PEG3: variants seen among roughly 807,000 people sequenced by gnomAD.
The protein encoded by PEG3 is paternally-expressed gene 3 protein.
Under a neutral mutation model 35.5 loss-of-function variants are expected in PEG3, and 23 were observed. The ratio of observed to expected loss-of-function variants is 0.65; its 90% CI spans 0.47 to 0.92. The LOEUF is 0.92. Ranked by LOEUF, PEG3 falls within the 40% of genes least tolerant of loss-of-function variation. The probability of loss-of-function intolerance (pLI) is 0.00; values close to 1 mark genes in which losing one functional copy is unlikely to be tolerated. For missense variants in PEG3, 1,960 were observed against 1,985.3 expected (o/e 0.99, Z 0.24); for synonymous variants, 707 against 697.0 (o/e 1.01, Z -0.23).
chr19:56,821,810 C>G, intron 6 of PEG3, 56 bp from the exon 7 acceptor site: 1 of 1,595,146 alleles, frequency 6.3e-7, no homozygotes, highest in Non-Finnish European at 8.6e-7. Context: ...CTGCAGGTCC[C>G]AGGTTTGTCC....
In PEG3 at chr19:56,816,605, C is replaced by T. The variant is rs779661784; in HGVS notation, c.1837G>A (p.Ala613Thr). Reference protein sequence around the residue: ...ERGETFRPSPALNEFQKMYGK... With the variant: ...ERGETFRPSPTLNEFQKMYGK... ...TACATTTTCTGAAACTCATTAAGGG[C>T]TGGGCTGGGCCTAAAGGTTTCCCCG... Residue 613 changes from alanine (A) to threonine (T), a missense_variant, in exon 10 of 10, where the codon GCC (alanine) becomes ACC (threonine). Ala to Thr is a moderately conservative substitution (Grantham distance 58). Coordinates refer to ENST00000326441, the MANE Select transcript of PEG3 (RefSeq NM_006210.3). 1.7e-5 allele frequency: 28 copies of T among 1,613,790 alleles called. No homozygotes were observed. In the Admixed American group the frequency reaches 4.7e-4, roughly 27 times the overall value.
At chr19:56,838,346 T>C (rs1363786496) in intron 1 of PEG3, among the ~76,000 whole-genome samples, 1 of 152,038 alleles carries the variant, frequency 6.6e-6, no homozygotes, top group Non-Finnish European at 1.5e-5. Context: ...GCCTGCGCAA[T>C]CAACCTCGGG....
At chr19:56,821,319 T>G (rs963657768) in intron 7 of PEG3, among the ~76,000 whole-genome samples, 2 of 152,198 alleles carry the variant, frequency 1.3e-5, no homozygotes, top group Non-Finnish European at 2.9e-5. Flanking sequence ...GACCCACAGC[T>G]TTCCTGGCTC....
chr19:56,834,994 T>C (rs767771864), intron 2 of PEG3, among the ~76,000 whole-genome samples: 12 of 152,248 alleles, frequency 7.9e-5, no homozygotes, highest in Middle Eastern at 3.4e-3. Context: ...CCCCACATCA[T>C]GTGACTCACT....
Position 56,814,586 on chromosome 19 carries a change from C to A in PEG3, c.3856G>T (p.Val1286Phe). 1.2e-6 allele frequency: 2 copies of A among 1,614,034 alleles called. No homozygotes were observed. Among genetic ancestry groups the A allele is most frequent in the Non-Finnish European group, 1.7e-6 (2 of 1,179,964 alleles). Residue 1286 changes from valine (V) to phenylalanine (F), a missense_variant, in exon 10 of 10, where the codon GTC (valine) becomes TTC (phenylalanine). Physicochemically the swap from Val to Phe is conservative, Grantham distance 50. This residue lies in a region of PEG3 where 416 missense variants were observed against 416.7 expected (regional missense o/e 1.00). Coordinates refer to ENST00000326441, the MANE Select transcript of PEG3 (RefSeq NM_006210.3). The surrounding 1 kb of genome is among the most constrained non-coding windows in gnomAD (Gnocchi z 5.8). Reference sequence around the variant, plus strand: ...GGGTTGACGAAAGATTCTCCACAGACTGCACATTCAAAGAGTCTCTCTTCG... The same window carrying A: ...GGGTTGACGAAAGATTCTCCACAGAATGCACATTCAAAGAGTCTCTCTTCG... The part of the protein sequence containing the change: ...QTEERLFECA[V>F]CGESFVNPAE...
At position 56,813,741 on chromosome 19, in the gene PEG3, G is replaced by A. The variant is rs34876452; in HGVS notation, c.4701C>T (p.Asp1567=). The part of the protein sequence containing the change: ...NQADEKYFKC[D]VCGQLFNDRL... ...GGTCATTGAAGAGCTGCCCACAGAC[G>A]TCACATTTGAAGTACTTCTCATCAG... The change falls in exon 10 of 10, where the codon GAC becomes GAT. Residue 1567 remains aspartate, a synonymous_variant. Transcript: ENST00000326441. 3,858 of 1,614,030 alleles carry A rather than the reference G, an allele frequency of 2.4e-3. 87 individuals carry two copies. In the African/African-American group the frequency reaches 0.046, roughly 19 times the overall value.
In PEG3 at chr19:56,816,152, T is replaced by A; in HGVS notation, c.2290A>T (p.Thr764Ser). ...TTTGCCTCATAGACATTTTCCTTAG[T>A]GGGAATCTTCTGGTTTTCATAGGGG... ...SNPYENQKIPTKENVYEAKSY... is the reference protein window; with the variant it reads ...SNPYENQKIPSKENVYEAKSY... Residue 764 changes from threonine (T) to serine (S), a missense_variant, in exon 10 of 10, where the codon ACT becomes TCT. By Grantham distance (58) the Thr-to-Ser change is moderately conservative. Around this residue, in one of 5 missense-constraint regions of PEG3, gnomAD observed 798 missense variants for 782.4 expected, o/e 1.02. Transcript: ENST00000326441. The A allele has an allele frequency of 6.2e-7, 1 of 1,613,942 alleles. No homozygotes were observed. The highest frequency in any genetic ancestry group is 8.5e-7 in the Non-Finnish European group (1 of 1,179,852).
chr19:56,816,136 T>C lies in PEG3; in HGVS notation c.2306A>G (p.Tyr769Cys), dbSNP rs574516590. ...AGACCTCTCATATGATTTTGCCTCA[T>C]AGACATTTTCCTTAGTGGGAATCTT... is the stretch of plus-strand genomic sequence containing the variant. ...NQKIPTKENV[Y>C]EAKSYERSVI... The change falls in exon 10 of 10, where the codon TAT becomes TGT. Residue 769 changes from tyrosine (Y) to cysteine (C), a missense_variant. Tyr to Cys is a radical substitution (Grantham distance 194). Coordinates refer to ENST00000326441, the MANE Select transcript of PEG3 (RefSeq NM_006210.3). 92 of 1,613,718 alleles carry C rather than the reference T, an allele frequency of 5.7e-5. No individual in the cohort carries two copies. The South Asian group carries it at 8.9e-4, about 16-fold the overall frequency.
At position 56,815,200 on chromosome 19, in the gene PEG3, T is replaced by C; in HGVS notation, c.3242A>G (p.Gln1081Arg). The C allele has an allele frequency of 1.2e-6, 2 of 1,614,006 alleles. No homozygotes were observed. The highest frequency in any genetic ancestry group is 2.2e-5 in the East Asian group (1 of 44,866). The change falls in exon 10 of 10, where the codon CAG becomes CGG. Residue 1081 changes from glutamine (Q) to arginine (R), a missense_variant. Around this residue, in one of 5 missense-constraint regions of PEG3, gnomAD observed 798 missense variants for 782.4 expected, o/e 1.02. Coordinates refer to ENST00000326441, the MANE Select transcript of PEG3 (RefSeq NM_006210.3). ...EETHSEETHG[Q>R]ETIEDPVIQG... ...AATGACAGGGTCTTCAATTGTCTCC[T>C]GACCATGGGTCTCCTCGCTGTGGGT...
At position 56,817,131 on chromosome 19, in the gene PEG3, G is replaced by A. The variant is rs200534773; in HGVS notation, c.1311C>T (p.Pro437=). The A allele has an allele frequency of 3.7e-6, 6 of 1,614,138 alleles. No individual in the cohort carries two copies. The highest frequency in any genetic ancestry group is 1.3e-5 in the African/African-American group (1 of 75,050). ...CAATTGGCTGTGACTCGGTAAAGGA[G>A]GGGGAGCTGAGGCTGCTCAGGCTGC... ...SVSSLSSLSS[P]SFTESQPIDF... Residue 437 remains proline, a synonymous_variant, in exon 10 of 10, where the codon CCC becomes CCT. Coordinates refer to ENST00000326441, the MANE Select transcript of PEG3 (RefSeq NM_006210.3).
rs1374160590 is a variant in PEG3, at chr19:56,816,929, A to G, written c.1513T>C (p.Phe505Leu). ...VQKSQVGGKR[F>L]ECKDCGETFN... ...GTCTCTCCACAGTCCTTACATTCAA[A>G]ACGTTTCCCTCCAACCTGACTTTTC... Residue 505 changes from phenylalanine to leucine, a missense_variant, in exon 10 of 10, where the codon TTT (phenylalanine) becomes CTT (leucine). Physicochemically the swap from Phe to Leu is conservative, Grantham distance 22 (BLOSUM62 0). Transcript: ENST00000326441. The G allele has an allele frequency of 1.2e-6, 2 of 1,614,158 alleles. No individual in the cohort carries two copies. Among genetic ancestry groups the G allele is most frequent in the Non-Finnish European group, 1.7e-6 (2 of 1,180,036 alleles).
Position 56,814,329 on chromosome 19 carries a change from G to GGCT in PEG3, c.4110_4112dup (p.Ala1371dup), listed in dbSNP as rs772779692. 1.5e-5 allele frequency: 25 copies of GGCT among 1,613,734 alleles called. No individual in the cohort carries two copies. In the African/African-American group the frequency reaches 2.3e-4, roughly 15 times the overall value. ...CATGGACATTGGCTTCAACTTCCTG[G>GGCT]GCTGCTGCTGCTGCAGCTGCTGCTG... On this transcript the variant is annotated inframe_insertion, in exon 10 of 10. Coordinates refer to ENST00000326441, the MANE Select transcript of PEG3 (RefSeq NM_006210.3). The surrounding 1 kb of genome is among the most constrained non-coding windows in gnomAD (Gnocchi z 5.8).
At position 56,810,806 on chromosome 19, in the gene PEG3, G is replaced by A; in HGVS notation, c.*2869C>T. On this transcript the variant is annotated 3_prime_UTR_variant, in exon 10 of 10. Coordinates refer to ENST00000326441, the MANE Select transcript of PEG3 (RefSeq NM_006210.3). ...TCAAGATGTTAGCAGTAGTTGTTAG[G>A]TGTTGGGAATATAGGTAATTTTTTA... 2 of 972,968 alleles carry A rather than the reference G, an allele frequency of 2.1e-6. No homozygotes were observed. Among genetic ancestry groups the A allele is most frequent in the Non-Finnish European group, 2.4e-6 (2 of 818,622 alleles). The allele number at this position is 972,968 out of a possible 1,614,324, so 60.3% of individuals were successfully genotyped here.
intron 7 of PEG3, among the ~76,000 whole-genome samples, 187 bp downstream of exon 7, chr19:56,821,460 CAAAG>C (rs1394706741): frequency 6.6e-6 from 1 of 152,164 alleles, no homozygotes; most frequent in African/African-American, 2.4e-5. Context: ...ACATGAACGA[CAAAG>C]AAACAGCCAG....
At chr19:56,836,238 T>C (rs987869684) in intron 1 of PEG3, 134 bp from the exon 2 acceptor site, 2 of 360,730 alleles carry the variant, frequency 5.5e-6, no homozygotes, top group Non-Finnish European at 1.1e-5. Flanking sequence ...ATGAAAAGCA[T>C]CCCATCCAGG....
chr19:56,813,106 A>G lies in PEG3; in HGVS notation c.*569T>C, dbSNP rs2059649889. 4.1e-6 allele frequency: 4 copies of G among 984,682 alleles called. No individual in the cohort carries two copies. The highest frequency in any genetic ancestry group is 4.8e-6 in the Non-Finnish European group (4 of 829,262). 61.0% of individuals were successfully genotyped at this position (984,682 alleles called of 1,614,324 possible). On this transcript the variant is annotated 3_prime_UTR_variant, in exon 10 of 10. Transcript: ENST00000326441. The stretch of plus-strand genomic sequence containing the variant: ...GTAAGAAACAAAACAATTACTCAAA[A>G]AGATATTGACAGGGTTCAAATAATG...
intron 1 of PEG3, among the ~76,000 whole-genome samples, chr19:56,840,264 C>A (rs995247251): frequency 1.3e-5 from 2 of 152,222 alleles, no homozygotes; most frequent in African/African-American, 4.8e-5. Context: ...CCCGGCCAGT[C>A]AGAAAGGCGC....
chr19:56,822,771 T>G lies in PEG3; in HGVS notation c.547A>C (p.Thr183Pro). 1 of 1,614,166 alleles carries G rather than the reference T, an allele frequency of 6.2e-7. No individual in the cohort carries two copies. ...GACTCACTGCTTCTTGGGTTCCTGG[T>G]GTGGGACCAGCGGTCTCGTGGCTCC... ...DMEPRDRWSH[T>P]RNPRSRMPPR... Residue 183 changes from threonine to proline, a missense_variant, in exon 6 of 10, where the codon ACC becomes CCC. Transcript: ENST00000326441.
rs762092660 is a variant in PEG3 at position 56,813,703 on chromosome 19, G to T, written c.4739C>A (p.Ala1580Asp). ...GCCAGTGTGGGTATTCTGGTGTCTGGCGAGGGACAGGCGGTCATTGAAGAG... is the reference window on the plus strand; with the variant it reads ...GCCAGTGTGGGTATTCTGGTGTCTGTCGAGGGACAGGCGGTCATTGAAGAG... ...GQLFNDRLSL[A>D]RHQNTHTG Residue 1580 changes from alanine (A) to aspartate (D), a missense_variant, in exon 10 of 10, where the codon GCC (alanine) becomes GAC (aspartate). Physicochemically the swap from Ala to Asp is moderately radical, Grantham distance 126. This residue lies in a region of PEG3 where 416 missense variants were observed against 416.7 expected (regional missense o/e 1.00). Coordinates refer to ENST00000326441, the MANE Select transcript of PEG3 (RefSeq NM_006210.3). 3 of 1,613,810 alleles carry T rather than the reference G, an allele frequency of 1.9e-6. No individual in the cohort carries two copies. Among genetic ancestry groups the T allele is most frequent in the Non-Finnish European group, 2.5e-6 (3 of 1,179,776 alleles).
Sources: gnomAD v4.1 joint callset for allele counts (sites outside exome capture counted in the v4.1 genomes callset) on GRCh38, gnomAD v4.1.1 for gene constraint, gnomAD v4.1.1 regional missense constraint, Gnocchi (gnomAD v3.1) non-coding constraint, MANE v1.5 for transcripts, NCBI Gene and HGNC (gene_info 2026-07-23, HGNC 2026-07-21) for gene names.